Variants in ZDHHC14 observed in about 807,000 individuals in gnomAD.
ZDHHC14 encodes zDHHC palmitoyltransferase 14.
A neutral mutation model predicts 47.7 loss-of-function variants in ZDHHC14; 16 were observed. The ratio of observed to expected loss-of-function variants is 0.34; its 90% CI spans 0.23 to 0.51. The LOEUF (loss-of-function observed/expected upper bound fraction) is 0.51, where lower values mean the gene tolerates loss of function less well. ZDHHC14 is among the 20% of genes least tolerant of loss of function. The pLI is 0.97. For synonymous variants in ZDHHC14, 293 were observed against 278.9 expected (o/e 1.05, Z -0.50); for missense variants, 515 against 662.5 (o/e 0.78, Z 2.44).
chr6:157,489,237 A>G (rs1020984570), intron 1 of ZDHHC14, among the ~76,000 whole-genome samples: 6 of 152,246 alleles, frequency 3.9e-5, no homozygotes, highest in African/African-American at 1.4e-4. Flanking sequence ...AAATTTTTAG[A>G]AAATGAAAAC....
chr6:157,489,460 G>A (rs1313342773), intron 1 of ZDHHC14, among the ~76,000 whole-genome samples: 1 of 149,204 alleles, frequency 6.7e-6, no homozygotes, highest in Non-Finnish European at 1.5e-5. Context: ...TGTTTTTATT[G>A]TTGTTTTTAT....
At chr6:157,588,693 G>A (rs530324408) in intron 2 of ZDHHC14, among the ~76,000 whole-genome samples, 3 of 152,182 alleles carry the variant, frequency 2.0e-5, no homozygotes, top group Non-Finnish European at 4.4e-5. Context: ...ACCTGACTAA[G>A]CTGCGTTCTC....
At chr6:157,460,653 G>A (rs919348627) in intron 1 of ZDHHC14, among the ~76,000 whole-genome samples, 1 of 152,222 alleles carries the variant, frequency 6.6e-6, no homozygotes, top group African/African-American at 2.4e-5. Context: ...CTGTAGGAAA[G>A]CTTCTCAGAA....
At chr6:157,547,252 C>T (rs956484077) in intron 2 of ZDHHC14, among the ~76,000 whole-genome samples, 3 of 152,328 alleles carry the variant, frequency 2.0e-5, no homozygotes, top group Non-Finnish European at 2.9e-5. Context: ...CCCCTATCTT[C>T]GGTCATCACC....
At chr6:157,486,126 A>G (rs1373768960) in intron 1 of ZDHHC14, among the ~76,000 whole-genome samples, 2 of 152,066 alleles carry the variant, frequency 1.3e-5, no homozygotes, top group African/African-American at 4.8e-5. Context: ...ATTCCATGCT[A>G]TTAGTTCAGT....
At chr6:157,484,840 A>G (rs187568890) in intron 1 of ZDHHC14, among the ~76,000 whole-genome samples, 4 of 152,254 alleles carry the variant, frequency 2.6e-5, no homozygotes, top group Admixed American at 2.6e-4. Flanking sequence ...CTAAATTACA[A>G]TTCCGGATAG....
At chr6:157,430,263 C>T (rs1778311248) in intron 1 of ZDHHC14, among the ~76,000 whole-genome samples, 1 of 147,336 alleles carries the variant, frequency 6.8e-6, no homozygotes, top group Non-Finnish European at 1.5e-5. Flanking sequence ...TTGCAGTGAG[C>T]CGACAGTGTG....
At chr6:157,658,544 G>C (rs1172058419) in intron 8 of ZDHHC14, among the ~76,000 whole-genome samples, 2 of 152,190 alleles carry the variant, frequency 1.3e-5, no homozygotes, top group Non-Finnish European at 2.9e-5. Context: ...CTTGACACAG[G>C]ATTGGGGGTG....
At chr6:157,633,558 C>T (rs1423133599) in intron 5 of ZDHHC14, among the ~76,000 whole-genome samples, 1 of 152,162 alleles carries the variant, frequency 6.6e-6, no homozygotes, top group Non-Finnish European at 1.5e-5. Context: ...GATGGGACCC[C>T]CTGATCTGGC....
chr6:157,562,806 G>A (rs896646176), intron 2 of ZDHHC14, among the ~76,000 whole-genome samples: 8 of 152,158 alleles, frequency 5.3e-5, no homozygotes, highest in Admixed American at 4.6e-4. Context: ...GTGGAGAGGG[G>A]CAGCCTCCTC....
At chr6:157,544,032 C>T (rs541307130) in intron 2 of ZDHHC14, among the ~76,000 whole-genome samples, 1 of 152,304 alleles carries the variant, frequency 6.6e-6, no homozygotes, top group African/African-American at 2.4e-5. Context: ...GATAAGGAAA[C>T]AAAGCCCCCA....
intron 1 of ZDHHC14, among the ~76,000 whole-genome samples, chr6:157,488,350 G>A (rs1222101977): frequency 1.3e-5 from 2 of 152,136 alleles, no homozygotes; most frequent in East Asian, 3.9e-4. Flanking sequence ...ACTCAATCGA[G>A]GATTTCAGGG....
intron 1 of ZDHHC14, among the ~76,000 whole-genome samples, chr6:157,517,396 C>T (rs1344126852): frequency 6.6e-6 from 1 of 151,930 alleles, no homozygotes; most frequent in African/African-American, 2.4e-5. Flanking sequence ...CTATAACCTC[C>T]GCCTCCCGGG....
chr6:157,595,436 C>T (rs1310222744), intron 3 of ZDHHC14, among the ~76,000 whole-genome samples: 4 of 152,112 alleles, frequency 2.6e-5, no homozygotes, highest in African/African-American at 7.2e-5. Flanking sequence ...AGTGATCCAC[C>T]TGCCTCGGCC....
chr6:157,546,829 C>A (rs1447832954), intron 2 of ZDHHC14, among the ~76,000 whole-genome samples: 1 of 152,194 alleles, frequency 6.6e-6, no homozygotes, highest in East Asian at 1.9e-4. Context: ...GAAAGTATTT[C>A]ACATTCCACA....
At chr6:157,538,083 G>A (rs941286381) in intron 1 of ZDHHC14, among the ~76,000 whole-genome samples, 1 of 152,204 alleles carries the variant, frequency 6.6e-6, no homozygotes, top group Non-Finnish European at 1.5e-5. Flanking sequence ...TAAAAAGTGA[G>A]TTGTTGAGGA....
At chr6:157,467,859 T>C (rs1210463406) in intron 1 of ZDHHC14, among the ~76,000 whole-genome samples, 1 of 152,120 alleles carries the variant, frequency 6.6e-6, no homozygotes, top group African/African-American at 2.4e-5. Context: ...GGCGGTATAA[T>C]ATTCTGTTGT....
chr6:157,593,285 C>T lies in ZDHHC14; in HGVS notation c.565+139C>T, dbSNP rs560872736. On this transcript the variant is annotated intron_variant, in intron 3 of 8. Coordinates refer to ENST00000359775, the MANE Select transcript of ZDHHC14 (RefSeq NM_024630.3). ...GCATGTTGCCACTGATTGAGTTCAC[C>T]GGGCCTAGAGTCACCAAATATCTTT... The T allele has an allele frequency of 3.4e-5, 39 of 1,152,076 alleles. No homozygotes were observed. The South Asian group carries it at 3.8e-4, about 11-fold the overall frequency. The allele number at this position is 1,152,076 out of a possible 1,614,324, so 71.4% of individuals were successfully genotyped here. A position where few individuals can be genotyped will look rare whatever the true frequency, so the allele number is the denominator to read the frequency against.
chr6:157,607,479 G>C (rs1562505013), intron 3 of ZDHHC14, among the ~76,000 whole-genome samples: 1 of 152,138 alleles, frequency 6.6e-6, no homozygotes, highest in African/African-American at 2.4e-5. Context: ...CCCAAACACA[G>C]TTGTGCAGCA....
Sources: gnomAD v4.1 joint callset for allele counts (sites outside exome capture counted in the v4.1 genomes callset) on GRCh38, gnomAD v4.1.1 for gene constraint, MANE v1.5 for transcripts, NCBI Gene and HGNC (gene_info 2026-07-23, HGNC 2026-07-21) for gene names.